PCMT1: variants seen among roughly 807,000 people sequenced by gnomAD.
PCMT1 encodes protein-L-isoaspartate(D-aspartate) O-methyltransferase.
In PCMT1, 9 loss-of-function variants were observed where a neutral mutation model predicts 29.2. The observed-to-expected ratio is 0.31, with a 90% confidence interval of 0.19 to 0.54. The LOEUF is 0.54. Among genes scored for constraint, PCMT1 ranks in the 20% least tolerant of loss-of-function variants. The pLI, the probability that PCMT1 is intolerant of heterozygous loss-of-function variation, is 0.95. For missense variants in PCMT1, 184 were observed against 282.2 expected, an observed-to-expected ratio of 0.65 and a Z score of 2.49; for synonymous variants, 98 against 97.5, an observed-to-expected ratio of 1.00 and a Z score of -0.03.
chr6:149,775,380 C>T (rs186347555), intron 3 of PCMT1, among the ~76,000 whole-genome samples: 151 of 151,578 alleles, frequency 1.0e-3, no homozygotes, highest in African/African-American at 3.6e-3. Context: ...AGGATTTTTG[C>T]GGAGAAAAAA....
intron 5 of PCMT1, chr6:149,795,330 G>A (rs1788557535): frequency 2.6e-6 from 1 of 391,246 alleles, no homozygotes; most frequent in Non-Finnish European, 5.0e-6. Context: ...GCAGTACTGG[G>A]AACAGCAGTA....
chr6:149,785,398 GTTCTT>G (rs1787986142), intron 3 of PCMT1, among the ~76,000 whole-genome samples: 1 of 135,284 alleles, frequency 7.4e-6, no homozygotes, highest in Non-Finnish European at 1.6e-5. Flanking sequence ...TGTTTATTCA[GTTCTT>G]TTTTTTTATT....
Position 149,749,975 on chromosome 6 carries a change from C to A in PCMT1, c.55+19C>A, listed in dbSNP as rs770859133. The A allele has an allele frequency of 1.9e-6, 3 of 1,602,282 alleles. No homozygotes were observed. The highest frequency in any genetic ancestry group is 2.3e-5 in the East Asian group (1 of 44,282). On this transcript the variant is annotated intron_variant, in intron 1 of 7. Coordinates refer to ENST00000464889, the MANE Select transcript of PCMT1 (RefSeq NM_001360452.2). ...CTCCGCAGTAAGTGCCACCTCCGCC[C>A]GTTGTAGGGCAGCTGGGGCAGGCTG...
At chr6:149,785,475 T>C (rs1181172000) in intron 3 of PCMT1, among the ~76,000 whole-genome samples, 2 of 151,248 alleles carry the variant, frequency 1.3e-5, no homozygotes, top group East Asian at 1.9e-4. Flanking sequence ...GGCAGGGTCA[T>C]AGGACAATAG....
intron 3 of PCMT1, among the ~76,000 whole-genome samples, chr6:149,783,237 A>G (rs563409047): frequency 6.6e-6 from 1 of 152,116 alleles, no homozygotes; most frequent in South Asian, 2.1e-4. Flanking sequence ...GGTTAAAGCA[A>G]TTCTTCTGCC....
intron 1 of PCMT1, 80 bp downstream of exon 1, chr6:149,750,036 TTCTG>T: frequency 6.7e-7 from 1 of 1,489,346 alleles, no homozygotes; most frequent in South Asian, 1.3e-5. Context: ...GTCCGGAACG[TTCTG>T]TCTGTCCCCG....
chr6:149,784,968 G>A (rs532446931), intron 3 of PCMT1, among the ~76,000 whole-genome samples: 3 of 151,938 alleles, frequency 2.0e-5, no homozygotes, highest in East Asian at 1.9e-4. Context: ...TAGTTAATTC[G>A]CTTAAATCAG....
intron 7 of PCMT1, among the ~76,000 whole-genome samples, chr6:149,807,963 A>G (rs1260930170): frequency 6.6e-6 from 1 of 152,156 alleles, no homozygotes; most frequent in Non-Finnish European, 1.5e-5. Context: ...AAGCAGGGAT[A>G]TATTCTGTTA....
chr6:149,756,425 T>C (rs1420908935), intron 1 of PCMT1, among the ~76,000 whole-genome samples: 1 of 149,854 alleles, frequency 6.7e-6, no homozygotes, highest in Non-Finnish European at 1.5e-5. Flanking sequence ...CTTAGCTCAC[T>C]GCAACCTCTG....
intron 1 of PCMT1, among the ~76,000 whole-genome samples, chr6:149,751,783 A>C (rs1786330509): frequency 6.6e-6 from 1 of 151,676 alleles, no homozygotes. Flanking sequence ...CCAGGCCGGT[A>C]CTTGATATAT....
At chr6:149,756,985 T>C (rs896627916) in intron 1 of PCMT1, among the ~76,000 whole-genome samples, 1 of 151,730 alleles carries the variant, frequency 6.6e-6, no homozygotes, top group African/African-American at 2.4e-5. Context: ...CGAAAACCCG[T>C]CTCTACTAAA....
chr6:149,769,630 G>T (rs1461593948), intron 1 of PCMT1, among the ~76,000 whole-genome samples: 1 of 151,304 alleles, frequency 6.6e-6, no homozygotes, highest in Non-Finnish European at 1.5e-5. Context: ...CAGGGGTCAT[G>T]CTTTCTCACC....
intron 7 of PCMT1, 52 bp from the exon 8 acceptor site, chr6:149,810,564 A>G: frequency 6.9e-7 from 1 of 1,445,052 alleles, no homozygotes; most frequent in Non-Finnish European, 9.5e-7. Context: ...ATAAAGCCAA[A>G]TTGGGTAGTG....
rs930646233 is a variant in PCMT1 at position 149,779,781 on chromosome 6, C to T, written c.192+6612C>T. 2.6e-5 allele frequency among the ~76,000 whole-genome samples: 4 copies of T among 151,570 alleles called. No individual in the cohort carries two copies. In the South Asian group the frequency reaches 6.2e-4, roughly 24 times the overall value. Reference sequence around the variant, plus strand: ...GAGCCAAGATCGCACCACTTCACTCCAGCCTGGGCAAAAGATCAAAACTCT... The same window carrying T: ...GAGCCAAGATCGCACCACTTCACTCTAGCCTGGGCAAAAGATCAAAACTCT... On this transcript the variant is annotated intron_variant, in intron 3 of 7. Transcript: ENST00000464889.
chr6:149,780,534 C>T (rs774950291), intron 3 of PCMT1, among the ~76,000 whole-genome samples: 1 of 152,154 alleles, frequency 6.6e-6, no homozygotes, highest in Non-Finnish European at 1.5e-5. Flanking sequence ...TGCTCAGGTC[C>T]TGGCAACTAC....
At chr6:149,750,244 A>T in intron 1 of PCMT1, 1 of 454,448 alleles carries the variant, frequency 2.2e-6, no homozygotes, top group Non-Finnish European at 3.9e-6. Flanking sequence ...AGTGCAGTAC[A>T]GGTGATGCTG....
At chr6:149,760,939 G>A (rs1291042009) in intron 1 of PCMT1, among the ~76,000 whole-genome samples, 1 of 152,118 alleles carries the variant, frequency 6.6e-6, no homozygotes, top group Admixed American at 6.5e-5. Flanking sequence ...AATTGTAAGA[G>A]TTCACATAAT....
At position 149,769,308 on chromosome 6, in the gene PCMT1, C is replaced by CTTTTTTTTTTTTTT. The variant is rs372773939; in HGVS notation, c.56-1843_56-1830dup. On this transcript the variant is annotated intron_variant, in intron 1 of 7. Transcript: ENST00000464889. ...AGTTAGCACCTATTTGTGCAGGATTCTTTTTTTTTTTTTTTTTTTTTTTTG... is the reference window on the plus strand; with the variant it reads ...AGTTAGCACCTATTTGTGCAGGATTCTTTTTTTTTTTTTTTTTTTTTTTTTTTTTTTTTTTTTTG... Among the ~76,000 whole-genome samples the CTTTTTTTTTTTTTT allele has an allele frequency of 2.5e-3, 181 of 71,504 alleles. 43 individuals carry two copies. The highest frequency in any genetic ancestry group is 9.4e-3 in the African/African-American group (110 of 11,684). 46.9% of individuals were successfully genotyped at this position (71,504 alleles called of 152,430 possible).
At chr6:149,757,967 C>G (rs926802703) in intron 1 of PCMT1, among the ~76,000 whole-genome samples, 31 of 152,244 alleles carry the variant, frequency 2.0e-4, no homozygotes, top group South Asian at 4.1e-4. Flanking sequence ...ACTGCAACCT[C>G]TGCCTCTCCG....
Sources: allele counts gnomAD v4.1 joint callset (sites outside exome capture counted in the v4.1 genomes callset), GRCh38; gene constraint gnomAD v4.1.1; transcripts MANE v1.5; gene names NCBI Gene and HGNC (gene_info 2026-07-23, HGNC 2026-07-21).